FGF10: variants seen among roughly 807,000 people sequenced by gnomAD.
The protein encoded by FGF10 is fibroblast growth factor 10, also known as FGF-10.
Under a neutral mutation model 19.8 loss-of-function variants are expected in FGF10, and 2 were observed. The ratio of observed to expected loss-of-function variants is 0.10; its 90% CI spans 0.04 to 0.32. The LOEUF (loss-of-function observed/expected upper bound fraction) is 0.32, where lower values mean the gene tolerates loss of function less well. Among genes scored for constraint, FGF10 ranks in the 10% least tolerant of loss-of-function variants. The pLI is 1.00. For missense variants in FGF10, 191 were observed against 246.3 expected, an observed-to-expected ratio of 0.78 and a Z score of 1.50; for synonymous variants, 112 against 94.0, an observed-to-expected ratio of 1.19 and a Z score of -1.10.
chr5:44,344,386 G>A (rs1323651977), intron 1 of FGF10, among the ~76,000 whole-genome samples: 2 of 151,488 alleles, frequency 1.3e-5, no homozygotes, highest in Non-Finnish European at 2.9e-5. Context: ...TTGTTACTAG[G>A]GTACTATAAA....
At chr5:44,344,566 C>CTGTGTGTGTG (rs1455840251) in intron 1 of FGF10, among the ~76,000 whole-genome samples, 2 of 16,060 alleles carry the variant, frequency 1.2e-4, no homozygotes, top group African/African-American at 2.4e-4. Context: ...GTTTTGTTTT[C>CTGTGTGTGTG]TCTGTGTGTG....
chr5:44,388,281 T>C, intron 1 of FGF10, 77 bp downstream of exon 1: 1 of 1,374,160 alleles, frequency 7.3e-7, no homozygotes, highest in Non-Finnish European at 1.0e-6. Context: ...GCTGGCCACA[T>C]CTGGAACAGA....
chr5:44,310,282 C>T (rs1740180358), intron 2 of FGF10, 145 bp downstream of exon 2: 1 of 660,520 alleles, frequency 1.5e-6, no homozygotes, highest in East Asian at 2.9e-5. Context: ...TTTGCCAGCC[C>T]TTGAAACAGT....
chr5:44,328,075 ATGTTT>A (rs1740652051), intron 1 of FGF10, among the ~76,000 whole-genome samples: 1 of 152,112 alleles, frequency 6.6e-6, no homozygotes, highest in Non-Finnish European at 1.5e-5. Flanking sequence ...AATTGTTTTC[ATGTTT>A]TGTTTTGTTT....
chr5:44,357,227 C>A (rs984814350), intron 1 of FGF10, among the ~76,000 whole-genome samples: 7 of 151,360 alleles, frequency 4.6e-5, no homozygotes, highest in African/African-American at 1.7e-4. Context: ...CAGAAAGGGG[C>A]CATACCAGTG....
At chr5:44,328,038 C>T (rs1353658354) in intron 1 of FGF10, among the ~76,000 whole-genome samples, 1 of 152,178 alleles carries the variant, frequency 6.6e-6, no homozygotes, top group Non-Finnish European at 1.5e-5. Flanking sequence ...GACATTCATA[C>T]TATACTCTTA....
chr5:44,335,149 T>C (rs950731375), intron 1 of FGF10, among the ~76,000 whole-genome samples: 3 of 152,062 alleles, frequency 2.0e-5, no homozygotes, highest in Admixed American at 1.3e-4. Flanking sequence ...ATAAATGAAA[T>C]TTGGTTTTCA....
At chr5:44,324,709 C>G (rs1047142871) in intron 1 of FGF10, among the ~76,000 whole-genome samples, 14 of 151,906 alleles carry the variant, frequency 9.2e-5, no homozygotes, top group African/African-American at 3.4e-4. Flanking sequence ...AAATATGAGA[C>G]AGGGAAAAAC....
At chr5:44,325,161 A>T (rs1740581438) in intron 1 of FGF10, among the ~76,000 whole-genome samples, 1 of 152,226 alleles carries the variant, frequency 6.6e-6, no homozygotes, top group African/African-American at 2.4e-5. Flanking sequence ...CCATCAGAGA[A>T]ATGCAAATCA....
intron 1 of FGF10, among the ~76,000 whole-genome samples, chr5:44,372,126 C>T (rs1159314902): frequency 1.3e-5 from 2 of 152,078 alleles, no homozygotes; most frequent in Admixed American, 1.3e-4. Flanking sequence ...TATCTGTTTC[C>T]CTCGGCTGAA....
chr5:44,320,484 A>T (rs1008142128), intron 1 of FGF10, among the ~76,000 whole-genome samples: 2 of 152,164 alleles, frequency 1.3e-5, no homozygotes, highest in African/African-American at 4.8e-5. Flanking sequence ...ACAGCGGAAG[A>T]CTTCTAAGAC....
At chr5:44,308,814 A>G (rs900615567) in intron 2 of FGF10, among the ~76,000 whole-genome samples, 4 of 152,114 alleles carry the variant, frequency 2.6e-5, no homozygotes, top group Non-Finnish European at 5.9e-5. Flanking sequence ...GCGGTTCTCA[A>G]ATTGTGGTTA....
chr5:44,315,505 GC>G (rs1740319327), intron 1 of FGF10, among the ~76,000 whole-genome samples: 1 of 152,120 alleles, frequency 6.6e-6, no homozygotes, highest in East Asian at 1.9e-4. Flanking sequence ...TGGTAGTGGT[GC>G]TTTTCTGGGT....
chr5:44,312,415 A>G (rs1171917489), intron 1 of FGF10, among the ~76,000 whole-genome samples: 1 of 151,986 alleles, frequency 6.6e-6, no homozygotes, highest in African/African-American at 2.4e-5. Flanking sequence ...TTTAGACTCT[A>G]TTGCTCCCCA....
chr5:44,369,090 T>C (rs1357749265), intron 1 of FGF10, among the ~76,000 whole-genome samples: 3 of 152,140 alleles, frequency 2.0e-5, no homozygotes. Flanking sequence ...TATAAAGAAA[T>C]GTCACTTACA....
intron 1 of FGF10, among the ~76,000 whole-genome samples, chr5:44,331,099 C>A (rs1740726176): frequency 6.6e-6 from 1 of 152,012 alleles, no homozygotes; most frequent in Non-Finnish European, 1.5e-5. Flanking sequence ...ATGAGAAGTG[C>A]TTTTCTGTGG....
At position 44,388,553 on chromosome 5, in the gene FGF10, T is replaced by G. The variant is rs201168313; in HGVS notation, c.130A>C (p.Met44Leu). 4 of 1,613,994 alleles carry G rather than the reference T, an allele frequency of 2.5e-6. No individual in the cohort carries two copies. The African/African-American group carries it at 4.0e-5, about 16-fold the overall frequency. The change falls in exon 1 of 3, where the codon ATG (methionine) becomes CTG (leucine). Residue 44 changes from methionine to leucine, a missense_variant. Met to Leu is a conservative substitution (Grantham distance 15, BLOSUM62 2). This residue lies in a region of FGF10 where 92 missense variants were observed against 84.6 expected (regional missense o/e 1.09). Transcript: ENST00000264664. ...PVTCQALGQDMVSPEATNSSS... is the reference protein window; with the variant it reads ...PVTCQALGQDLVSPEATNSSS... ...GAGTTGGTGGCCTCTGGTGACACCATGTCCTGACCAAGGGCTTGGCAGGTG... is the reference window on the plus strand; with the variant it reads ...GAGTTGGTGGCCTCTGGTGACACCAGGTCCTGACCAAGGGCTTGGCAGGTG...
At chr5:44,339,985 A>T (rs1579916777) in intron 1 of FGF10, among the ~76,000 whole-genome samples, 1 of 152,164 alleles carries the variant, frequency 6.6e-6, no homozygotes, top group East Asian at 1.9e-4. Flanking sequence ...AAATCAAGAT[A>T]ATCAAGATTT....
At position 44,388,398 on chromosome 5, in the gene FGF10, G is replaced by T; in HGVS notation, c.285C>A (p.Asn95Lys). ...CCTTCTTGGTCCCGCTGACCTTCCCGTTCTTCTCAATCTTGAGAAAGTACT... is the reference window on the plus strand; with the variant it reads ...CCTTCTTGGTCCCGCTGACCTTCCCTTTCTTCTCAATCTTGAGAAAGTACT... Reference protein sequence around the residue: ...FTKYFLKIEKNGKVSGTKKEN... With the variant: ...FTKYFLKIEKKGKVSGTKKEN... The change falls in exon 1 of 3, where the codon AAC (asparagine) becomes AAA (lysine). Residue 95 changes from asparagine to lysine, a missense_variant. Transcript: ENST00000264664. 6.2e-7 allele frequency: 1 copy of T among 1,613,700 alleles called. No individual in the cohort carries two copies. Among genetic ancestry groups the T allele is most frequent in the Non-Finnish European group, 8.5e-7 (1 of 1,180,010 alleles).
Sources: allele counts gnomAD v4.1 joint callset (sites outside exome capture counted in the v4.1 genomes callset), GRCh38; gene constraint gnomAD v4.1.1; regional missense constraint gnomAD v4.1.1; transcripts MANE v1.5; gene names NCBI Gene and HGNC (gene_info 2026-07-23, HGNC 2026-07-21).